Variants in AOX1 observed in about 807,000 individuals in gnomAD.
AOX1 encodes the protein aldehyde oxidase.
AOX1 carries 153 observed loss-of-function variants against 169.5 expected under a neutral mutation model. That is an observed-to-expected ratio of 0.90 (90% confidence interval 0.79 to 1.03). The LOEUF (loss-of-function observed/expected upper bound fraction) is 1.03. Ranked by LOEUF, AOX1 falls within the 50% of genes least tolerant of loss-of-function variation. The probability of loss-of-function intolerance (pLI) is 0.00; values close to 1 mark genes in which losing one functional copy is unlikely to be tolerated. For missense variants in AOX1, 1,656 were observed against 1,663.9 expected (o/e 1.00, Z 0.08); for synonymous variants, 562 against 581.9 (o/e 0.97, Z 0.49).
Position 200,620,731 on chromosome 2 carries a change from G to T in AOX1, c.1786G>T (p.Glu596Ter), listed in dbSNP as rs148848561. ...HLSGVKHATG[E>*]AIYCDDMPLV... ...GTCTGGTGTGAAGCATGCCACGGGG[G>T]AGGCCATCTACTGTGATGACATGCC... is the stretch of plus-strand genomic sequence containing the variant. Residue 596 changes from glutamate to a stop codon, truncating the protein, a stop_gained, in exon 17 of 35, where the codon GAG (glutamate) becomes TAG (stop). Coordinates refer to ENST00000374700, the MANE Select transcript of AOX1 (RefSeq NM_001159.4). LOFTEE classifies it high-confidence loss of function. 1.0e-5 allele frequency: 16 copies of T among 1,606,058 alleles called. No individual in the cohort carries two copies. In the African/African-American group the frequency reaches 2.0e-4, roughly 20 times the overall value.
At chr2:200,610,431 C>G (rs558595747) in intron 12 of AOX1, among the ~76,000 whole-genome samples, 2 of 152,288 alleles carry the variant, frequency 1.3e-5, no homozygotes, top group South Asian at 4.1e-4. Flanking sequence ...GTAACATCCC[C>G]TAAAAGTCAT....
chr2:200,668,034 G>A (rs961992751), intron 32 of AOX1, among the ~76,000 whole-genome samples: 2 of 151,984 alleles, frequency 1.3e-5, no homozygotes, highest in African/African-American at 2.4e-5. Flanking sequence ...CATTTCAATG[G>A]CCAAACCAAA....
At chr2:200,655,645 T>C (rs2105762867) in intron 26 of AOX1, among the ~76,000 whole-genome samples, 1 of 152,244 alleles carries the variant, frequency 6.6e-6, no homozygotes, top group East Asian at 1.9e-4. Context: ...GCCGACCAAA[T>C]AAATGGAGTG....
chr2:200,592,064 GAGTA>G (rs1214679037), intron 1 of AOX1, among the ~76,000 whole-genome samples: 1 of 152,090 alleles, frequency 6.6e-6, no homozygotes, highest in Non-Finnish European at 1.5e-5. Flanking sequence ...AGAAGGGAAG[GAGTA>G]AGTAAGTTTG....
chr2:200,617,685 A>G (rs1386852919), intron 16 of AOX1, among the ~76,000 whole-genome samples: 1 of 151,958 alleles, frequency 6.6e-6, no homozygotes, highest in African/African-American at 2.4e-5. Context: ...ATACCTATGA[A>G]TGTCTTTCCT....
At chr2:200,619,939 C>T (rs930576565) in intron 16 of AOX1, among the ~76,000 whole-genome samples, 6 of 151,956 alleles carry the variant, frequency 3.9e-5, no homozygotes, top group Non-Finnish European at 5.9e-5. Flanking sequence ...TTATATGTAT[C>T]GTGCTTATAT....
Position 200,643,162 on chromosome 2 carries a change from T to C in AOX1, c.2847+361T>C, listed in dbSNP as rs532595501. Among the ~76,000 whole-genome samples the C allele has an allele frequency of 2.0e-5, 3 of 151,600 alleles. No individual in the cohort carries two copies. The East Asian group carries it at 5.8e-4, about 30-fold the overall frequency. ...CTGTCAAAAAGTTGGTCATTTCAGT[T>C]GCTAAACTGATCTCCTTTTGGTTCT... On this transcript the variant is annotated intron_variant, in intron 25 of 34. Coordinates refer to ENST00000374700, the MANE Select transcript of AOX1 (RefSeq NM_001159.4).
intron 19 of AOX1, among the ~76,000 whole-genome samples, chr2:200,625,411 A>G (rs920798982): frequency 1.3e-5 from 2 of 152,152 alleles, no homozygotes; most frequent in African/African-American, 4.8e-5. Context: ...ATAAGCAAAT[A>G]TAATAGATGC....
At chr2:200,631,205 T>C (rs1046184496) in intron 20 of AOX1, among the ~76,000 whole-genome samples, 2 of 152,202 alleles carry the variant, frequency 1.3e-5, no homozygotes, top group African/African-American at 4.8e-5. Flanking sequence ...AAGATTACCA[T>C]TTTCAAATGA....
Position 200,634,866 on chromosome 2 carries a change from A to T in AOX1, c.2297A>T (p.Asp766Val). The T allele has an allele frequency of 6.2e-7, 1 of 1,614,154 alleles. No individual in the cohort carries two copies. Among genetic ancestry groups the T allele is most frequent in the Non-Finnish European group, 8.5e-7 (1 of 1,179,996 alleles). Reference sequence around the variant, plus strand: ...ATGCTTGTCGTTCCCAAGGGAGAGGATCAAGAAATGGATGTCTACGTGTCC... The same window carrying T: ...ATGCTTGTCGTTCCCAAGGGAGAGGTTCAAGAAATGGATGTCTACGTGTCC... ...QSMLVVPKGE[D>V]QEMDVYVSTQ... Residue 766 changes from aspartate (D) to valine (V), a missense_variant, in exon 21 of 35, where the codon GAT (aspartate) becomes GTT (valine). By Grantham distance (152) the Asp-to-Val change is radical (BLOSUM62 -3). Coordinates refer to ENST00000374700, the MANE Select transcript of AOX1 (RefSeq NM_001159.4).
intron 19 of AOX1, among the ~76,000 whole-genome samples, chr2:200,624,700 T>A (rs962287615): frequency 2.0e-5 from 3 of 152,214 alleles, no homozygotes; most frequent in South Asian, 2.1e-4. Context: ...GCATTTTCTA[T>A]CCTGATTTTT....
intron 25 of AOX1, among the ~76,000 whole-genome samples, chr2:200,648,945 C>T (rs112343928): frequency 6.6e-6 from 1 of 152,076 alleles, no homozygotes; most frequent in Admixed American, 6.5e-5. Flanking sequence ...TGTGTACCCC[C>T]CAACAGCCCT....
chr2:200,659,774 C>T (rs1187825010), intron 28 of AOX1, among the ~76,000 whole-genome samples: 1 of 141,562 alleles, frequency 7.1e-6, no homozygotes, highest in African/African-American at 2.7e-5. Flanking sequence ...CTTACAAGGC[C>T]AGTTCTCTCT....
chr2:200,645,401 G>A (rs1469808892), intron 25 of AOX1, among the ~76,000 whole-genome samples: 1 of 152,122 alleles, frequency 6.6e-6, no homozygotes. Flanking sequence ...AACCATCCCT[G>A]TATCCCTGGT....
chr2:200,662,815 G>C (rs764152638), intron 30 of AOX1, 40 bp from the exon 31 acceptor site: 13 of 1,521,142 alleles, frequency 8.5e-6, no homozygotes, highest in African/African-American at 8.2e-5. Flanking sequence ...TCTGCAATTA[G>C]GGGACGTGAT....
chr2:200,659,076 G>A, intron 27 of AOX1, 89 bp from the exon 28 acceptor site: 1 of 1,276,852 alleles, frequency 7.8e-7, no homozygotes, highest in Non-Finnish European at 1.1e-6. Context: ...ATGGGTATGA[G>A]GGTATCACAC....
chr2:200,670,555 T>G, intron 34 of AOX1, 74 bp from the exon 35 acceptor site: 1 of 1,325,308 alleles, frequency 7.5e-7, no homozygotes, highest in Non-Finnish European at 1.1e-6. Flanking sequence ...TTAACCTACT[T>G]TATGTTCTTC....
intron 4 of AOX1, among the ~76,000 whole-genome samples, chr2:200,598,636 C>T (rs958428580): frequency 7.5e-5 from 10 of 133,908 alleles, no homozygotes; most frequent in Middle Eastern, 3.9e-3. Context: ...CCAAGCTACT[C>T]GGGAGGCTGA....
At chr2:200,609,462 C>T (rs2034586818) in intron 12 of AOX1, 48 bp downstream of exon 12, 1 of 1,478,672 alleles carries the variant, frequency 6.8e-7, no homozygotes, top group African/African-American at 1.4e-5. Context: ...TTCTCTACCC[C>T]TTTTTCTCTC....
Sources: gnomAD v4.1 joint callset for allele counts (sites outside exome capture counted in the v4.1 genomes callset) on GRCh38, gnomAD v4.1.1 for gene constraint, MANE v1.5 for transcripts, NCBI Gene and HGNC (gene_info 2026-07-23, HGNC 2026-07-21) for gene names.